PLEKHG1: variants seen among roughly 807,000 people sequenced by gnomAD.
PLEKHG1 encodes the protein pleckstrin homology domain-containing family G member 1.
In PLEKHG1, 44 loss-of-function variants were observed where a neutral mutation model predicts 100.8. The observed-to-expected ratio is 0.44, with a 90% CI of 0.34 to 0.56. The LOEUF is 0.56. Ranked by LOEUF, PLEKHG1 falls within the 20% of genes least tolerant of loss-of-function variation. The pLI, the probability that PLEKHG1 is intolerant of heterozygous loss-of-function variation, is 0.01. For missense variants in PLEKHG1, 1,545 were observed against 1,720.9 expected (o/e 0.90, Z 1.81); for synonymous variants, 640 against 662.5 (o/e 0.97, Z 0.52).
intron 3 of PLEKHG1, among the ~76,000 whole-genome samples, chr6:150,656,850 G>C (rs1230820876): frequency 6.6e-6 from 1 of 152,140 alleles, no homozygotes; most frequent in Admixed American, 6.5e-5. Context: ...CTCAGAGAAA[G>C]ACCATTTGGA....
intron 3 of PLEKHG1, 88 bp downstream of exon 4, chr6:150,768,826 C>A: frequency 1.3e-6 from 1 of 746,816 alleles, no homozygotes; most frequent in Non-Finnish European, 2.3e-6. Context: ...TTACCTGTAA[C>A]CCCTGACTCA....
At chr6:150,722,349 C>CTTTTTTTTTTTTTTTTTTTTTTTT (rs139069069) in intron 1 of PLEKHG1, among the ~76,000 whole-genome samples, 8 of 90,680 alleles carry the variant, frequency 8.8e-5, no homozygotes, top group South Asian at 3.6e-4. Context: ...TTTTTCTTTT[C>CTTTTTTTTTTTTTTTTTTTTTTTT]TTTTTTTTTT....
Position 150,831,186 on chromosome 6 carries a change from GC to G in PLEKHG1, c.2079del (p.Lys694ArgfsTer6), listed in dbSNP as rs898140980. 1.2e-6 allele frequency: 2 copies of G among 1,613,980 alleles called. No homozygotes were observed. Among genetic ancestry groups the G allele is most frequent in the Non-Finnish European group, 1.7e-6 (2 of 1,180,020 alleles). Reference sequence around the variant, plus strand: ...TCTAAATCAGCCAGGGACTCCGTTCGCCCCAAGAGCACCCCAGAGTTAGCCT... The same window carrying G: ...TCTAAATCAGCCAGGGACTCCGTTCGCCCAAGAGCACCCCAGAGTTAGCCT... On this transcript the variant is annotated frameshift_variant, in exon 15 of 16. Transcript: ENST00000358517. LOFTEE classifies it high-confidence loss of function. The surrounding 1 kb of genome is among the most constrained non-coding windows in gnomAD (Gnocchi z 4.1).
intron 3 of PLEKHG1, among the ~76,000 whole-genome samples, chr6:150,660,400 A>T (rs972788165): frequency 6.6e-6 from 1 of 152,160 alleles, no homozygotes; most frequent in Non-Finnish European, 1.5e-5. Flanking sequence ...TTTTTTCATG[A>T]TGATTATCTT....
intron 10 of PLEKHG1, among the ~76,000 whole-genome samples, chr6:150,812,530 G>A (rs1264766044): frequency 6.6e-6 from 1 of 152,092 alleles, no homozygotes; most frequent in Non-Finnish European, 1.5e-5. Flanking sequence ...TTTTATATTT[G>A]GCAACTAAGA....
chr6:150,634,232 A>G (rs1431336998), intron 1 of PLEKHG1, among the ~76,000 whole-genome samples: 1 of 147,858 alleles, frequency 6.8e-6, no homozygotes, highest in Non-Finnish European at 1.5e-5. Context: ...CAACAAGAGC[A>G]AAACTCGATC....
chr6:150,800,582 T>A, intron 5 of PLEKHG1, 137 bp from the exon 7 acceptor site: 1 of 759,630 alleles, frequency 1.3e-6, no homozygotes, highest in Non-Finnish European at 2.1e-6. Context: ...CCAATTTGCC[T>A]AAAGGCATGC....
intron 1 of PLEKHG1, among the ~76,000 whole-genome samples, chr6:150,632,084 A>G (rs1777779879): frequency 6.6e-6 from 1 of 152,208 alleles, no homozygotes; most frequent in African/African-American, 2.4e-5. Flanking sequence ...TTTTTGCTAC[A>G]AGTAGCAAAA....
chr6:150,706,613 C>CA (rs33992485), intron 3 of PLEKHG1, among the ~76,000 whole-genome samples: 62,142 of 143,868 alleles, frequency 0.43, 14,155 homozygotes, highest in African/African-American at 0.6. Flanking sequence ...GACTCTGTCT[C>CA]AAAAAAAAAA....
chr6:150,627,808 C>A (rs925609142), intron 1 of PLEKHG1, among the ~76,000 whole-genome samples: 2 of 152,112 alleles, frequency 1.3e-5, no homozygotes, highest in African/African-American at 4.8e-5. Context: ...TTTCCATCAC[C>A]CTCTTGCCTT....
intron 10 of PLEKHG1, among the ~76,000 whole-genome samples, chr6:150,812,608 T>G (rs906748508): frequency 6.6e-6 from 1 of 152,176 alleles, no homozygotes. Context: ...GGGTATAGAC[T>G]TTTTTATATG....
chr6:150,727,852 TG>T (rs1782040256), intron 1 of PLEKHG1, among the ~76,000 whole-genome samples: 1 of 152,220 alleles, frequency 6.6e-6, no homozygotes, highest in Non-Finnish European at 1.5e-5. Context: ...CTTACATTGT[TG>T]GCCCTGTGCT....
At chr6:150,687,361 A>C (rs1780176892) in intron 3 of PLEKHG1, among the ~76,000 whole-genome samples, 1 of 152,082 alleles carries the variant, frequency 6.6e-6, no homozygotes, top group Admixed American at 6.5e-5. Flanking sequence ...TCACTTTATT[A>C]TGTCTGGAAT....
At chr6:150,828,697 C>T (rs17426727) in intron 14 of PLEKHG1, among the ~76,000 whole-genome samples, 20,841 of 151,462 alleles carry the variant, frequency 0.14, 1,747 homozygotes, top group Non-Finnish European at 0.17. Flanking sequence ...CTGGGATGGA[C>T]GATCTTAGGA....
exon 13 of PLEKHG1, chr6:150,821,203 T>C (rs1562551488): frequency 6.2e-7 from 1 of 1,613,374 alleles, no homozygotes. Context: ...AGAACCTTCC[T>C]CACGGTCACA....
At chr6:150,732,035 C>T (rs1186517373) in intron 1 of PLEKHG1, among the ~76,000 whole-genome samples, 3 of 149,126 alleles carry the variant, frequency 2.0e-5, no homozygotes, top group African/African-American at 4.9e-5. Context: ...GATCTCGGCT[C>T]ACTGCAAGCT....
chr6:150,659,480 T>C (rs1779098602), intron 3 of PLEKHG1, among the ~76,000 whole-genome samples: 1 of 152,212 alleles, frequency 6.6e-6, no homozygotes, highest in Non-Finnish European at 1.5e-5. Context: ...CAACCTCACC[T>C]ACAAAAGCAT....
chr6:150,628,624 AT>A (rs1450233571), intron 1 of PLEKHG1, among the ~76,000 whole-genome samples: 31 of 147,748 alleles, frequency 2.1e-4, no homozygotes, highest in African/African-American at 7.2e-4. Context: ...TGGATTAAGT[AT>A]TAACTTGACT....
rs373082950 is a variant in PLEKHG1 at position 150,834,467 on chromosome 6, A to T, written c.3094+2262A>T. 2.6e-5 allele frequency among the ~76,000 whole-genome samples: 4 copies of T among 152,174 alleles called. No homozygotes were observed. In the East Asian group the frequency reaches 7.7e-4, roughly 29 times the overall value. ...TTATGCCCACAGACTACCACTGAAA[A>T]AGTAGTAATTCCCTGGGCCAGGTTG... On this transcript the variant is annotated intron_variant, in intron 15 of 15. Coordinates refer to ENST00000358517, the Ensembl canonical transcript of PLEKHG1.
Sources: gnomAD v4.1 joint callset for allele counts (sites outside exome capture counted in the v4.1 genomes callset) on GRCh38, gnomAD v4.1.1 for gene constraint, Gnocchi (gnomAD v3.1) non-coding constraint, MANE v1.5 for transcripts, NCBI Gene and HGNC (gene_info 2026-07-23, HGNC 2026-07-21) for gene names.